STARD6: variants seen among roughly 807,000 people sequenced by gnomAD.
The protein encoded by STARD6 is stAR-related lipid transfer protein 6.
Under a neutral mutation model 22.3 loss-of-function variants are expected in STARD6, and 21 were observed. The observed-to-expected ratio is 0.94, with a 90% CI of 0.67 to 1.35. The LOEUF (loss-of-function observed/expected upper bound fraction) is 1.35, where lower values mean the gene tolerates loss of function less well. Ranked by LOEUF, STARD6 falls within the 40% of genes most tolerant of loss-of-function variation. The probability of loss-of-function intolerance (pLI) is 0.00; values close to 1 mark genes in which losing one functional copy is unlikely to be tolerated. For missense variants in STARD6, 269 were observed against 266.9 expected (o/e 1.01, Z -0.05); for synonymous variants, 80 against 88.1 (o/e 0.91, Z 0.52).
At chr18:54,349,320 G>A (rs1379447734) in intron 4 of STARD6, among the ~76,000 whole-genome samples, 2 of 152,012 alleles carry the variant, frequency 1.3e-5, no homozygotes, top group African/African-American at 4.8e-5. Flanking sequence ...AAACATTTGG[G>A]GGAATAGCTT....
rs1166887295 is a variant in STARD6 at position 54,343,359 on chromosome 18, G to A, written c.141-6108C>T. Among the ~76,000 whole-genome samples the A allele has an allele frequency of 6.2e-5, 9 of 144,870 alleles. 1 individual carries two copies. Among genetic ancestry groups the A allele is most frequent in the South Asian group, 2.3e-4 (1 of 4,404 alleles). The stretch of plus-strand genomic sequence containing the variant: ...TCTCCGCCCGGCAGCCACCCCGTCC[G>A]GGAGGGAGGTGGGGGGTCAGCCCCC... On this transcript the variant is annotated intron_variant, in intron 4 of 7. Transcript: ENST00000307844.
At chr18:54,332,088 A>C (rs1489155447) in intron 5 of STARD6, among the ~76,000 whole-genome samples, 2 of 152,176 alleles carry the variant, frequency 1.3e-5, no homozygotes, top group African/African-American at 4.8e-5. Flanking sequence ...CTACTCTTTC[A>C]ATTTTTAGAT....
At chr18:54,335,670 G>A (rs1175499749) in intron 5 of STARD6, among the ~76,000 whole-genome samples, 1 of 152,088 alleles carries the variant, frequency 6.6e-6, no homozygotes, top group African/African-American at 2.4e-5. Flanking sequence ...CTGGTGATTC[G>A]ATCATGGGGC....
chr18:54,354,014 G>A (rs370658124), intron 4 of STARD6, 40 bp downstream of exon 4: 5 of 1,310,158 alleles, frequency 3.8e-6, no homozygotes, highest in Non-Finnish European at 5.3e-6. Context: ...CAATGGCATT[G>A]AATTTAAAAC....
rs2089127083 is a variant in STARD6 at position 54,354,550 on chromosome 18, T to C, written c.24A>G (p.Gln8=). 13 of 1,613,276 alleles carry C rather than the reference T, an allele frequency of 8.1e-6. No homozygotes were observed. Among genetic ancestry groups the C allele is most frequent in the Non-Finnish European group, 9.3e-6 (11 of 1,179,608 alleles). MDFKAIA[Q]QTAQEVLGYN... ...AACCTAAAACTTCTTGGGCAGTTTG[T>C]TGGGCAATTGCCTTGAAGTCCATCT... The change falls in exon 3 of 8, where the codon CAA becomes CAG. Residue 8 remains glutamine, a synonymous_variant. Coordinates refer to ENST00000307844, the MANE Select transcript of STARD6 (RefSeq NM_139171.2).
chr18:54,342,317 A>G (rs1011819850), intron 4 of STARD6, among the ~76,000 whole-genome samples: 7 of 152,254 alleles, frequency 4.6e-5, no homozygotes, highest in African/African-American at 1.7e-4. Context: ...AAATTTTTAC[A>G]TAAATCCTCC....
chr18:54,344,636 T>C (rs1382722427), intron 4 of STARD6, among the ~76,000 whole-genome samples: 1 of 146,240 alleles, frequency 6.8e-6, no homozygotes, highest in East Asian at 2.0e-4. Context: ...CTCTTATGTA[T>C]ATGCAAAAAC....
intron 5 of STARD6, among the ~76,000 whole-genome samples, chr18:54,336,773 G>C (rs773379406): frequency 1.3e-5 from 2 of 152,216 alleles, no homozygotes; most frequent in Non-Finnish European, 1.5e-5. Flanking sequence ...CCTAATATCT[G>C]ATGTAATATG....
chr18:54,337,174 G>A lies in STARD6; in HGVS notation c.218C>T (p.Thr73Ile). The A allele has an allele frequency of 6.2e-7, 1 of 1,613,424 alleles. No homozygotes were observed. The highest frequency in any genetic ancestry group is 8.5e-7 in the Non-Finnish European group (1 of 1,179,596). The change falls in exon 5 of 8, where the codon ACA (threonine) becomes ATA (isoleucine). Residue 73 changes from threonine to isoleucine, a missense_variant. By Grantham distance (89) the Thr-to-Ile change is moderately conservative. Transcript: ENST00000307844. Reference protein sequence around the residue: ...DFLYQTGDRITWDKSLQVYNM... With the variant: ...DFLYQTGDRIIWDKSLQVYNM... Reference sequence around the variant, plus strand: ...ATACACTTGCAATGATTTATCCCATGTAATTCTGTCTCCAGTTTGGTAGAG... The same window carrying A: ...ATACACTTGCAATGATTTATCCCATATAATTCTGTCTCCAGTTTGGTAGAG...
chr18:54,340,534 T>G (rs894359906), intron 4 of STARD6, among the ~76,000 whole-genome samples: 3 of 151,892 alleles, frequency 2.0e-5, no homozygotes, highest in Non-Finnish European at 4.4e-5. Flanking sequence ...CAAAATAAAT[T>G]TTTAAAATAC....
At chr18:54,333,113 G>A (rs558153195) in intron 5 of STARD6, among the ~76,000 whole-genome samples, 13 of 152,092 alleles carry the variant, frequency 8.5e-5, no homozygotes, top group South Asian at 4.2e-4. Flanking sequence ...TGGATGTCAC[G>A]TCTAGTATTC....
intron 4 of STARD6, among the ~76,000 whole-genome samples, chr18:54,339,228 G>C (rs2088948389): frequency 6.6e-6 from 1 of 151,178 alleles, no homozygotes; most frequent in Non-Finnish European, 1.5e-5. Context: ...GGAAAGAACT[G>C]ACACTGCACT....
chr18:54,343,002 A>C (rs1383872895), intron 4 of STARD6, among the ~76,000 whole-genome samples: 10 of 2,532 alleles, frequency 3.9e-3, no homozygotes, highest in Non-Finnish European at 7.1e-3. Context: ...CCGCCATCCC[A>C]TCTAGGAAGT....
Position 54,337,127 on chromosome 18 carries a change from A to C in STARD6, c.265T>G (p.Ser89Ala). 1 of 1,607,834 alleles carries C rather than the reference A, an allele frequency of 6.2e-7. No individual in the cohort carries two copies. Among genetic ancestry groups the C allele is most frequent in the African/African-American group, 1.3e-5 (1 of 74,742 alleles). The part of the protein sequence containing the change: ...QVYNMVHRID[S>A]DTFICHTITQ... ...TCCAGTATTAAACAACAAATTACCG[A>C]ATCAATCCTGTGTACCATATTATAC... Residue 89 changes from serine to alanine, a missense_variant and splice_region_variant, in exon 5 of 8, where the codon TCG (serine) becomes GCG (alanine). By Grantham distance (99) the Ser-to-Ala change is moderately conservative. Coordinates refer to ENST00000307844, the MANE Select transcript of STARD6 (RefSeq NM_139171.2).
chr18:54,351,976 A>G (rs1049642496), intron 4 of STARD6, among the ~76,000 whole-genome samples: 4 of 129,378 alleles, frequency 3.1e-5, no homozygotes, highest in African/African-American at 1.4e-4. Flanking sequence ...AGAATGGAGG[A>G]TTCCTTCTTT....
At position 54,333,031 on chromosome 18, in the gene STARD6, G is replaced by A. The variant is rs372033104; in HGVS notation, c.268-1172C>T. On this transcript the variant is annotated intron_variant, in intron 5 of 7. Transcript: ENST00000307844. ...AATTAGGAGACCAGGTACGAGTCCT[G>A]GTTCTATCACATATTGGCTGCATCA... is the stretch of plus-strand genomic sequence containing the variant. Among the ~76,000 whole-genome samples the A allele has an allele frequency of 2.2e-4, 33 of 152,254 alleles. 1 individual carries two copies. The South Asian group carries it at 6.8e-3, about 32-fold the overall frequency.
At chr18:54,344,971 C>T (rs2089021624) in intron 4 of STARD6, among the ~76,000 whole-genome samples, 2 of 152,120 alleles carry the variant, frequency 1.3e-5, no homozygotes, top group South Asian at 2.1e-4. Flanking sequence ...AAATACTTTT[C>T]TATTAAGATC....
intron 4 of STARD6, among the ~76,000 whole-genome samples, chr18:54,340,290 T>C (rs962727611): frequency 3.3e-5 from 5 of 152,124 alleles, no homozygotes; most frequent in African/African-American, 9.7e-5. Context: ...TGGAACCATA[T>C]AGAAGTAAAG....
At chr18:54,329,278 A>T in intron 7 of STARD6, 69 bp downstream of exon 7, 1 of 1,268,308 alleles carries the variant, frequency 7.9e-7, no homozygotes, top group Non-Finnish European at 1.1e-6. Context: ...ATGAGCCAGC[A>T]ATCTTAAACT....
Sources: allele counts gnomAD v4.1 joint callset (sites outside exome capture counted in the v4.1 genomes callset), GRCh38; gene constraint gnomAD v4.1.1; transcripts MANE v1.5; gene names NCBI Gene and HGNC (gene_info 2026-07-23, HGNC 2026-07-21).